The following ATP11B variants were observed in gnomAD, a reference collection of about 807,000 sequenced individuals.
The protein encoded by ATP11B is phospholipid-transporting ATPase IF.
Under a neutral mutation model 157.8 loss-of-function variants are expected in ATP11B, and 81 were observed. The observed-to-expected ratio is 0.51, with a 90% CI of 0.43 to 0.62. ATP11B has a LOEUF of 0.62. ATP11B is among the 20% of genes least tolerant of loss of function. The pLI, the probability that ATP11B is intolerant of heterozygous loss-of-function variation, is 0.00. For synonymous variants in ATP11B, 451 were observed against 469.4 expected (o/e 0.96, Z 0.51); for missense variants, 1,165 against 1,402.2 (o/e 0.83, Z 2.70).
chr3:182,882,509 A>G (rs569755232), intron 21 of ATP11B, among the ~76,000 whole-genome samples: 37 of 151,538 alleles, frequency 2.4e-4, no homozygotes, highest in South Asian at 1.7e-3. Context: ...AGTGATTTGA[A>G]AAAAAAAAGA....
rs1560081881 is a variant in ATP11B at position 182,845,009 on chromosome 3, T to TTTTTTTA, written c.705-443_705-437dup. Among the ~76,000 whole-genome samples the TTTTTTTA allele has an allele frequency of 4.5e-3, 501 of 111,852 alleles. 3 individuals carry two copies. The highest frequency in any genetic ancestry group is 7.1e-3 in the South Asian group (26 of 3,638). The allele number at this position is 111,852 out of a possible 152,430, so 73.4% of individuals were successfully genotyped here. A position where few individuals can be genotyped will look rare whatever the true frequency, so the allele number is the denominator to read the frequency against. On this transcript the variant is annotated intron_variant, in intron 8 of 29. Transcript: ENST00000323116. ...TTTTTTTTTTATTTTTTTTTTTATT[T>TTTTTTTA]TTTTTTATTTTTGAGATGGAGTCTC...
In ATP11B at chr3:182,913,877, C is replaced by G. The variant is rs1724965164; in HGVS notation, c.3335C>G (p.Ala1112Gly). 6.2e-7 allele frequency: 1 copy of G among 1,614,112 alleles called. No individual in the cohort carries two copies. Reference sequence around the variant, plus strand: ...CTCCCGCAGCTTACTGAAACAAATGCAGGTATCAAGTGCTTGGACTCCATG... The same window carrying G: ...CTCCCGCAGCTTACTGAAACAAATGGAGGTATCAAGTGCTTGGACTCCATG... ...TEKAQLTETN[A>G]GIKCLDSMCC... The change falls in exon 29 of 30, where the codon GCA becomes GGA. Residue 1112 changes from alanine to glycine, a missense_variant. By Grantham distance (60) the Ala-to-Gly change is moderately conservative (BLOSUM62 0). Transcript: ENST00000323116.
At chr3:182,847,016 T>G (rs1433648263) in intron 9 of ATP11B, among the ~76,000 whole-genome samples, 3 of 152,294 alleles carry the variant, frequency 2.0e-5, no homozygotes, top group East Asian at 3.9e-4. Flanking sequence ...CTTGAGGGCT[T>G]TTAGATCCTC....
At chr3:182,814,611 C>T (rs1023719925) in intron 1 of ATP11B, among the ~76,000 whole-genome samples, 4 of 151,952 alleles carry the variant, frequency 2.6e-5, no homozygotes, top group African/African-American at 9.7e-5. Context: ...AGGTTGGGAC[C>T]AGCCTGGGCA....
intron 3 of ATP11B, among the ~76,000 whole-genome samples, chr3:182,828,895 T>C (rs1717917483): frequency 6.6e-6 from 1 of 152,138 alleles, no homozygotes; most frequent in African/African-American, 2.4e-5. Context: ...GCAATTTCAG[T>C]GTAGCATCAA....
chr3:182,877,678 G>C (rs753910193), intron 19 of ATP11B, among the ~76,000 whole-genome samples: 1 of 152,092 alleles, frequency 6.6e-6, no homozygotes, highest in African/African-American at 2.4e-5. Context: ...AGTGCGTGCA[G>C]ATTCCCAGAG....
intron 25 of ATP11B, among the ~76,000 whole-genome samples, chr3:182,892,212 A>G (rs1723223106): frequency 6.6e-6 from 1 of 151,924 alleles, no homozygotes; most frequent in South Asian, 2.1e-4. Context: ...AGATTCCCTC[A>G]CCACCACCTA....
At chr3:182,866,512 T>C in intron 14 of ATP11B, 69 bp downstream of exon 14, 2 of 1,283,138 alleles carry the variant, frequency 1.6e-6, no homozygotes, top group South Asian at 2.3e-5. Context: ...ATTAGAATCA[T>C]CATTTAAAAT....
rs1365163198 is a variant in ATP11B at position 182,918,128 on chromosome 3, G to T, written c.*24G>T. Reference sequence around the variant, plus strand: ...AAAGGGGCAGTAGTACTTTGTGGGAGCCAGTTCACCTCCTTTCCTAAAATT... The same window carrying T: ...AAAGGGGCAGTAGTACTTTGTGGGATCCAGTTCACCTCCTTTCCTAAAATT... On this transcript the variant is annotated 3_prime_UTR_variant, in exon 30 of 30. Coordinates refer to ENST00000323116, the MANE Select transcript of ATP11B (RefSeq NM_014616.3). The T allele has an allele frequency of 1.2e-6, 2 of 1,611,006 alleles. No homozygotes were observed. The highest frequency in any genetic ancestry group is 2.7e-5 in the African/African-American group (2 of 74,790).
chr3:182,817,905 T>C (rs1419720022), intron 1 of ATP11B, among the ~76,000 whole-genome samples: 1 of 152,220 alleles, frequency 6.6e-6, no homozygotes, highest in Non-Finnish European at 1.5e-5. Flanking sequence ...TCTTGACATC[T>C]TAAAGATTTA....
At chr3:182,819,512 A>C (rs1717190967) in intron 1 of ATP11B, among the ~76,000 whole-genome samples, 1 of 152,186 alleles carries the variant, frequency 6.6e-6, no homozygotes. Flanking sequence ...AATCTTTTCT[A>C]CCAGAGGTGA....
chr3:182,909,462 CT>C (rs991775332), intron 28 of ATP11B, among the ~76,000 whole-genome samples: 3 of 151,356 alleles, frequency 2.0e-5, no homozygotes, highest in Non-Finnish European at 4.4e-5. Flanking sequence ...CATTACTATG[CT>C]TTTTTTTTCT....
intron 4 of ATP11B, among the ~76,000 whole-genome samples, chr3:182,835,533 A>T (rs1201065042): frequency 6.6e-6 from 1 of 152,220 alleles, no homozygotes; most frequent in East Asian, 1.9e-4. Flanking sequence ...AACATTGGAC[A>T]TGCAGCACAC....
rs572850057 is a variant in ATP11B, at chr3:182,850,623, T to A, written c.851+2066T>A. 3.9e-5 allele frequency among the ~76,000 whole-genome samples: 6 copies of A among 152,282 alleles called. No homozygotes were observed. In the South Asian group the frequency reaches 1.2e-3, roughly 32 times the overall value. On this transcript the variant is annotated intron_variant, in intron 10 of 29. Coordinates refer to ENST00000323116, the MANE Select transcript of ATP11B (RefSeq NM_014616.3). ...GGATATGGAGAAAAGAAAACTCTTA[T>A]ACGTGGTTGGTGGGCATGTAAGTTA...
intron 1 of ATP11B, 137 bp from the exon 2 acceptor site, chr3:182,820,123 A>G (rs372793473): frequency 1.7e-6 from 1 of 574,378 alleles, no homozygotes; most frequent in East Asian, 2.9e-5. Flanking sequence ...TCTTCTAATT[A>G]GATGGATTGA....
At chr3:182,826,988 G>GA (rs1226298653) in intron 2 of ATP11B, among the ~76,000 whole-genome samples, 1 of 152,122 alleles carries the variant, frequency 6.6e-6, no homozygotes, top group Admixed American at 6.5e-5. Context: ...TATTATCTCA[G>GA]AAAAAACCCG....
chr3:182,801,535 G>A (rs1056042724), intron 1 of ATP11B, among the ~76,000 whole-genome samples: 1 of 152,030 alleles, frequency 6.6e-6, no homozygotes, highest in African/African-American at 2.4e-5. Flanking sequence ...TATAAAGTTG[G>A]GCAAATGGTA....
intron 2 of ATP11B, among the ~76,000 whole-genome samples, chr3:182,827,529 C>CTA (rs1371264489): frequency 1.3e-5 from 2 of 151,612 alleles, no homozygotes; most frequent in African/African-American, 4.8e-5. Flanking sequence ...AACCATTGTG[C>CTA]TATACTATCT....
intron 19 of ATP11B, among the ~76,000 whole-genome samples, chr3:182,875,706 G>A (rs943199477): frequency 8.5e-5 from 13 of 152,170 alleles, no homozygotes; most frequent in Non-Finnish European, 1.6e-4. Flanking sequence ...CTCCCAAAGT[G>A]CTGGGATTAT....
Sources: allele counts gnomAD v4.1 joint callset (sites outside exome capture counted in the v4.1 genomes callset), GRCh38; gene constraint gnomAD v4.1.1; transcripts MANE v1.5; gene names NCBI Gene and HGNC (gene_info 2026-07-23, HGNC 2026-07-21).